Variants in WDR33 observed in about 807,000 individuals in gnomAD.
WDR33 encodes the protein pre-mRNA 3' end processing protein WDR33.
Under a neutral mutation model 164.9 loss-of-function variants are expected in WDR33, and 47 were observed. That is an observed-to-expected ratio of 0.29 (90% CI 0.23 to 0.36). The LOEUF (loss-of-function observed/expected upper bound fraction) is 0.36, where lower values mean the gene tolerates loss of function less well. Ranked by LOEUF, WDR33 falls within the 10% of genes least tolerant of loss-of-function variation. WDR33 has a pLI of 1.00. For synonymous variants in WDR33, 505 were observed against 589.0 expected (o/e 0.86, Z 2.06); for missense variants, 1,137 against 1,754.1 (o/e 0.65, Z 6.28).
At chr2:127,769,752 G>A (rs749248697) in intron 2 of WDR33, among the ~76,000 whole-genome samples, 3 of 151,992 alleles carry the variant, frequency 2.0e-5, no homozygotes, top group Non-Finnish European at 4.4e-5. Context: ...TATTAACTAG[G>A]CCCAATATGC....
At chr2:127,745,973 T>C (rs1451403759) in intron 7 of WDR33, among the ~76,000 whole-genome samples, 1 of 149,612 alleles carries the variant, frequency 6.7e-6, no homozygotes, top group African/African-American at 2.5e-5. Context: ...TGCAGTGAAC[T>C]ATGATCATAC....
chr2:127,784,913 A>G (rs866700445), intron 1 of WDR33, among the ~76,000 whole-genome samples: 17 of 152,196 alleles, frequency 1.1e-4, no homozygotes, highest in African/African-American at 3.9e-4. Context: ...TGTATTAATT[A>G]TTGGGAACCT....
chr2:127,740,145 C>G (rs953278103), intron 7 of WDR33, among the ~76,000 whole-genome samples: 10 of 152,236 alleles, frequency 6.6e-5, no homozygotes, highest in African/African-American at 2.4e-4. Context: ...ACAATGCCAC[C>G]TCCAACACTG....
At chr2:127,793,189 G>A (rs1688902611) in intron 1 of WDR33, among the ~76,000 whole-genome samples, 3 of 152,150 alleles carry the variant, frequency 2.0e-5, no homozygotes, top group African/African-American at 7.2e-5. Context: ...CTAGCACTTT[G>A]GGAGGCCGAG....
intron 7 of WDR33, among the ~76,000 whole-genome samples, chr2:127,750,671 A>ATAT (rs1326780688): frequency 4.4e-5 from 3 of 68,570 alleles, no homozygotes; most frequent in African/African-American, 1.8e-4. Context: ...AAAAAAAAAA[A>ATAT]AAAAAAATAT....
chr2:127,779,824 T>C (rs1688309420), intron 1 of WDR33, among the ~76,000 whole-genome samples: 2 of 152,234 alleles, frequency 1.3e-5, no homozygotes, highest in Admixed American at 6.5e-5. Flanking sequence ...ATTCCTACCA[T>C]GTCAGCCACT....
At chr2:127,747,222 TG>T (rs1450656454) in intron 7 of WDR33, among the ~76,000 whole-genome samples, 1 of 152,202 alleles carries the variant, frequency 6.6e-6, no homozygotes, top group African/African-American at 2.4e-5. Flanking sequence ...CTGAAATCTG[TG>T]GTAACTCTGG....
rs575425285 is a variant in WDR33, at chr2:127,743,826, A to G, written c.725-17049T>C. Reference sequence around the variant, plus strand: ...GTAGGAGGCATGGTTGGTGGTGTGAATAACACTCAATTCCTCACCTTTGAT... The same window carrying G: ...GTAGGAGGCATGGTTGGTGGTGTGAGTAACACTCAATTCCTCACCTTTGAT... On this transcript the variant is annotated intron_variant, in intron 7 of 21. Transcript: ENST00000322313. Among the ~76,000 whole-genome samples the G allele has an allele frequency of 5.8e-4, 89 of 152,360 alleles. 1 individual carries two copies. The highest frequency in any genetic ancestry group is 2.0e-3 in the African/African-American group (83 of 41,596).
chr2:127,782,033 G>A (rs1203366812), intron 1 of WDR33, among the ~76,000 whole-genome samples: 2 of 144,314 alleles, frequency 1.4e-5, no homozygotes, highest in African/African-American at 2.6e-5. Flanking sequence ...TCCATGCTGA[G>A]AACACACATA....
At chr2:127,737,901 C>A (rs1221061471) in intron 7 of WDR33, 6 of 1,523,138 alleles carry the variant, frequency 3.9e-6, no homozygotes, top group African/African-American at 1.4e-5. Flanking sequence ...TAGCCATCCA[C>A]AGCATCAACT....
intron 7 of WDR33, among the ~76,000 whole-genome samples, chr2:127,754,768 C>G (rs1202893481): frequency 6.6e-6 from 1 of 151,962 alleles, no homozygotes; most frequent in African/African-American, 2.4e-5. Context: ...ATAATGAAAT[C>G]CAAATATGAT....
intron 7 of WDR33, among the ~76,000 whole-genome samples, chr2:127,760,971 T>C (rs1181901874): frequency 6.6e-6 from 1 of 152,190 alleles, no homozygotes; most frequent in African/African-American, 2.4e-5. Flanking sequence ...CCTGGACTTA[T>C]CTGAAAATAC....
In WDR33 at chr2:127,712,238, A is replaced by G. The variant is rs138280248; in HGVS notation, c.3308+1345T>C. Among the ~76,000 whole-genome samples the G allele has an allele frequency of 8.1e-3, 1,228 of 152,116 alleles. 10 individuals carry two copies. Among genetic ancestry groups the G allele is most frequent in the Middle Eastern group, 0.031 (9 of 294 alleles). On this transcript the variant is annotated intron_variant, in intron 18 of 21. Transcript: ENST00000322313. The surrounding 1 kb of genome is among the most constrained non-coding windows in gnomAD (Gnocchi z 4.0). ...ATGGTGAAACCTCATCTCTACTAAA[A>G]ATACAAAAATTAGCCAGGCAAGGTG...
At chr2:127,747,327 A>C (rs1013467772) in intron 7 of WDR33, among the ~76,000 whole-genome samples, 2 of 152,212 alleles carry the variant, frequency 1.3e-5, no homozygotes, top group African/African-American at 2.4e-5. Context: ...ACCTAAAATG[A>C]ACAAATATTT....
chr2:127,788,702 AC>A (rs1313499417), intron 1 of WDR33, among the ~76,000 whole-genome samples: 7 of 126,716 alleles, frequency 5.5e-5, no homozygotes, highest in East Asian at 4.9e-4. Flanking sequence ...TGGGGGGCTG[AC>A]CCCCCCACCT....
intron 5 of WDR33, 42 bp downstream of exon 5, chr2:127,765,132 C>T: frequency 6.3e-7 from 1 of 1,587,400 alleles, no homozygotes; most frequent in African/African-American, 1.3e-5. Context: ...AAGTTCTTTA[C>T]AGTACCACAG....
In WDR33 at chr2:127,735,120, A is replaced by G. The variant is rs1044841363; in HGVS notation, c.725-8343T>C. On this transcript the variant is annotated intron_variant, in intron 7 of 21. Transcript: ENST00000322313. The surrounding 1 kb of genome is among the most constrained non-coding windows in gnomAD (Gnocchi z 4.3). ...CATTATTCCCTGTCCCAGAACCGTA[A>G]AGTGTAGTGCAGTGAAGGCTAGAAC... 1.3e-5 allele frequency among the ~76,000 whole-genome samples: 2 copies of G among 152,180 alleles called. No individual in the cohort carries two copies. The highest frequency in any genetic ancestry group is 4.8e-5 in the African/African-American group (2 of 41,442).
rs1226572807 is a variant in WDR33, at chr2:127,722,486, GC to G, written c.1518+104del. On this transcript the variant is annotated intron_variant, in intron 14 of 21. Coordinates refer to ENST00000322313, the MANE Select transcript of WDR33 (RefSeq NM_018383.5). The surrounding 1 kb of genome is among the most constrained non-coding windows in gnomAD (Gnocchi z 5.1). Reference sequence around the variant, plus strand: ...AAGAGTACGTGAACATGGGAAAAATGCTCCAGTACAGAAACACCTTCAACAG... The same window carrying G: ...AAGAGTACGTGAACATGGGAAAAATGTCCAGTACAGAAACACCTTCAACAG... 6.9e-7 allele frequency: 1 copy of G among 1,457,888 alleles called. No homozygotes were observed. The highest frequency in any genetic ancestry group is 1.4e-5 in the African/African-American group (1 of 70,412). The allele number at this position is 1,457,888 out of a possible 1,614,324, so 90.3% of individuals were successfully genotyped here.
At chr2:127,794,331 C>T (rs547837148) in intron 1 of WDR33, among the ~76,000 whole-genome samples, 2 of 150,916 alleles carry the variant, frequency 1.3e-5, no homozygotes, top group African/African-American at 4.9e-5. Flanking sequence ...AAAACCCCAT[C>T]TCTACTAAAA....
Sources: allele counts gnomAD v4.1 joint callset (sites outside exome capture counted in the v4.1 genomes callset), GRCh38; gene constraint gnomAD v4.1.1; non-coding constraint Gnocchi (gnomAD v3.1); transcripts MANE v1.5; gene names NCBI Gene and HGNC (gene_info 2026-07-23, HGNC 2026-07-21).